The following PIP5KL1 variants were observed in gnomAD, a reference collection of about 807,000 sequenced individuals.
PIP5KL1 encodes phosphatidylinositol-4-phosphate 5-kinase like 1, also known as phosphatidylinositol 4-phosphate 5-kinase-like protein 1.
A neutral mutation model predicts 47.6 loss-of-function variants in PIP5KL1; 45 were observed. The ratio of observed to expected loss-of-function variants is 0.94; its 90% CI spans 0.74 to 1.21. The LOEUF (loss-of-function observed/expected upper bound fraction) is 1.21. PIP5KL1 is among the 50% of genes most tolerant of loss of function. The pLI is 0.00. For synonymous variants in PIP5KL1, 256 were observed against 234.6 expected (o/e 1.09, Z -0.84); for missense variants, 577 against 547.6 (o/e 1.05, Z -0.54).
At position 127,929,636 on chromosome 9, in the gene PIP5KL1, C is replaced by A; in HGVS notation, c.228+52G>T. On this transcript the variant is annotated intron_variant, in intron 2 of 9. Coordinates refer to ENST00000388747, the MANE Select transcript of PIP5KL1 (RefSeq NM_001135219.2). The surrounding 1 kb of genome is among the most constrained non-coding windows in gnomAD (Gnocchi z 4.0). ...AGTTTCAGCCAGACAGGGCATCAGC[C>A]AAGTCTTGCCATTGCTGGTGTGGAG... 1 of 1,469,234 alleles carries A rather than the reference C, an allele frequency of 6.8e-7. No homozygotes were observed. Among genetic ancestry groups the A allele is most frequent in the Non-Finnish European group, 9.1e-7 (1 of 1,093,800 alleles). 91.0% of individuals were successfully genotyped at this position (1,469,234 alleles called of 1,614,324 possible). A position where few individuals can be genotyped will look rare whatever the true frequency, so the allele number is the denominator to read the frequency against.
Position 127,921,616 on chromosome 9 carries a change from G to T in PIP5KL1, c.*231C>A. 1 of 598,542 alleles carries T rather than the reference G, an allele frequency of 1.7e-6. No homozygotes were observed. 37.1% of individuals were successfully genotyped at this position (598,542 alleles called of 1,614,324 possible). On this transcript the variant is annotated 3_prime_UTR_variant, in exon 10 of 10. Coordinates refer to ENST00000388747, the MANE Select transcript of PIP5KL1 (RefSeq NM_001135219.2). ...CTCCATTTCATGGTCTGTAAAAAGA[G>T]AATAATAGCATTTTTTGAGGATTAA...
Position 127,927,471 on chromosome 9 carries a change from G to T in PIP5KL1, c.560-140C>A, listed in dbSNP as rs1412654691. The T allele has an allele frequency of 1.4e-6, 2 of 1,449,232 alleles. No individual in the cohort carries two copies. Among genetic ancestry groups the T allele is most frequent in the Non-Finnish European group, 1.8e-6 (2 of 1,095,242 alleles). The allele number at this position is 1,449,232 out of a possible 1,614,324, so 89.8% of individuals were successfully genotyped here. A position where few individuals can be genotyped will look rare whatever the true frequency, so the allele number is the denominator to read the frequency against. On this transcript the variant is annotated intron_variant, in intron 5 of 9. Transcript: ENST00000388747. This position sits in a 1 kb window ranked among gnomAD's most constrained non-coding sequence, Gnocchi z 5.5. ...CCCTTCCTTGGCTGGTCCGGATCCC[G>T]ACCCGATCCCACCCCTAAACACAGC...
In PIP5KL1 at chr9:127,927,438, C is replaced by T; in HGVS notation, c.560-107G>A. On this transcript the variant is annotated intron_variant, in intron 5 of 9. Transcript: ENST00000388747. This position sits in a 1 kb window ranked among gnomAD's most constrained non-coding sequence, Gnocchi z 5.5. ...CACGCCTCCTTCTCAAGATCCGCGG[C>T]ACCTGGACCCTTCCTTGGCTGGTCC... The T allele has an allele frequency of 2.7e-6, 4 of 1,504,334 alleles. No homozygotes were observed. The highest frequency in any genetic ancestry group is 3.5e-6 in the Non-Finnish European group (4 of 1,128,254). 93.2% of individuals were successfully genotyped at this position (1,504,334 alleles called of 1,614,324 possible).
At position 127,928,446 on chromosome 9, in the gene PIP5KL1, G is replaced by C. The variant is rs1457607014; in HGVS notation, c.266C>G (p.Thr89Ser). 2 of 1,601,168 alleles carry C rather than the reference G, an allele frequency of 1.2e-6. No individual in the cohort carries two copies. The highest frequency in any genetic ancestry group is 1.7e-5 in the Admixed American group (1 of 58,588). Residue 89 changes from threonine to serine, a missense_variant, in exon 3 of 10, where the codon ACC becomes AGC. Thr to Ser is a moderately conservative substitution (Grantham distance 58). Transcript: ENST00000388747. ...PSRDDFSEVL[T>S]QVHEGFELGT... ...TGGGCCTCCTACCTCGTGAACCTGG[G>C]TTAGGACCTCCGAGAAATCGTCCCG...
chr9:127,925,221 T>C lies in PIP5KL1; in HGVS notation c.803A>G (p.Asp268Gly), dbSNP rs1337359355. 4.3e-6 allele frequency: 7 copies of C among 1,613,776 alleles called. No individual in the cohort carries two copies. The Admixed American group carries it at 1.2e-4, about 27-fold the overall frequency. ...RSWFLRQMELDTTFLRELNVL... is the reference protein window; with the variant it reads ...RSWFLRQMELGTTFLRELNVL... Reference sequence around the variant, plus strand: ...GTTGAGCTCCCGGAGGAAGGTGGTATCCAGTTCCATCTGGCGGAGGAACCA... The same window carrying C: ...GTTGAGCTCCCGGAGGAAGGTGGTACCCAGTTCCATCTGGCGGAGGAACCA... Residue 268 changes from aspartate to glycine, a missense_variant, in exon 9 of 10, where the codon GAT becomes GGT. Coordinates refer to ENST00000388747, the MANE Select transcript of PIP5KL1 (RefSeq NM_001135219.2).
rs775249636 is a variant in PIP5KL1, at chr9:127,921,882, G to A, written c.1150C>T (p.Arg384Cys). The A allele has an allele frequency of 1.8e-5, 29 of 1,573,772 alleles. No individual in the cohort carries two copies. Among genetic ancestry groups the A allele is most frequent in the Middle Eastern group, 2.0e-4 (1 of 4,998 alleles). ...STVSPARYARRLCQWVEAHTE is the reference protein window; with the variant it reads ...STVSPARYARCLCQWVEAHTE Reference sequence around the variant, plus strand: ...TGCGCCTCCACCCACTGGCAGAGGCGACGGGCGTAGCGAGCCGGGCTGACA... The same window carrying A: ...TGCGCCTCCACCCACTGGCAGAGGCAACGGGCGTAGCGAGCCGGGCTGACA... The change falls in exon 10 of 10, where the codon CGC becomes TGC. Residue 384 changes from arginine to cysteine, a missense_variant. Physicochemically the swap from Arg to Cys is radical, Grantham distance 180. Transcript: ENST00000388747.
In PIP5KL1 at chr9:127,927,612, A is replaced by T; in HGVS notation, c.559+36T>A. ...CTCCCCAGGTATATGATGACCTAGG[A>T]CCCGCCCCCACCGAGCCCCGCCCCC... On this transcript the variant is annotated intron_variant, in intron 5 of 9. Coordinates refer to ENST00000388747, the MANE Select transcript of PIP5KL1 (RefSeq NM_001135219.2). The surrounding 1 kb of genome is among the most constrained non-coding windows in gnomAD (Gnocchi z 5.5). 3 of 1,247,400 alleles carry T rather than the reference A, an allele frequency of 2.4e-6. No homozygotes were observed. Among genetic ancestry groups the T allele is most frequent in the Non-Finnish European group, 3.2e-6 (3 of 951,098 alleles). 77.3% of individuals were successfully genotyped at this position (1,247,400 alleles called of 1,614,324 possible).
At chr9:127,925,697 C>T in intron 8 of PIP5KL1, 170 bp downstream of exon 8, 1 of 625,812 alleles carries the variant, frequency 1.6e-6, no homozygotes, top group Non-Finnish European at 2.9e-6. Flanking sequence ...AACTCCTGAC[C>T]TCGTAATCCA....
Position 127,928,202 on chromosome 9 carries a change from C to A in PIP5KL1, c.297G>T (p.Thr99=). The change falls in exon 4 of 10, where the codon ACG becomes ACT. Residue 99 remains threonine, a synonymous_variant. Coordinates refer to ENST00000388747, the MANE Select transcript of PIP5KL1 (RefSeq NM_001135219.2). ...TQVHEGFELG[T]LAGPAFAWLR... is the part of the protein sequence containing the mutation. Reference sequence around the variant, plus strand: ...GCCAGGCAAAGGCGGGGCCGGCCAGCGTGCCCAGCTCGAAGCCCTGCAGGG... The same window carrying A: ...GCCAGGCAAAGGCGGGGCCGGCCAGAGTGCCCAGCTCGAAGCCCTGCAGGG... 1 of 1,537,468 alleles carries A rather than the reference C, an allele frequency of 6.5e-7. No homozygotes were observed. Among genetic ancestry groups the A allele is most frequent in the Non-Finnish European group, 8.8e-7 (1 of 1,142,206 alleles).
chr9:127,922,200 C>G, intron 9 of PIP5KL1, 86 bp from the exon 10 acceptor site: 2 of 1,407,824 alleles, frequency 1.4e-6, no homozygotes, highest in Non-Finnish European at 1.9e-6. Flanking sequence ...GGCTGCCCAC[C>G]CCTCCACCAG....
In PIP5KL1 at chr9:127,921,615, A is replaced by T. The variant is rs892261324; in HGVS notation, c.*232T>A. On this transcript the variant is annotated 3_prime_UTR_variant, in exon 10 of 10. Coordinates refer to ENST00000388747, the MANE Select transcript of PIP5KL1 (RefSeq NM_001135219.2). ...CCTCCATTTCATGGTCTGTAAAAAG[A>T]GAATAATAGCATTTTTTGAGGATTA... 3.4e-6 allele frequency: 2 copies of T among 588,606 alleles called. No individual in the cohort carries two copies. The highest frequency in any genetic ancestry group is 6.3e-5 in the Admixed American group (2 of 31,634). 36.5% of individuals were successfully genotyped at this position (588,606 alleles called of 1,614,324 possible).
rs373871124 is a variant in PIP5KL1, at chr9:127,925,264, C to T, written c.764-4G>A. 8 of 1,611,328 alleles carry T rather than the reference C, an allele frequency of 5.0e-6. No homozygotes were observed. The African/African-American group carries it at 9.3e-5, about 19-fold the overall frequency. ...AGGAACCAGCTCCGCTGGGGCCCTG[C>T]CGGAGCATCAGTGCCCCCACCTGAG... is the stretch of plus-strand genomic sequence containing the variant. On this transcript the variant is annotated splice_region_variant and splice_polypyrimidine_tract_variant and intron_variant, in intron 8 of 9. Coordinates refer to ENST00000388747, the MANE Select transcript of PIP5KL1 (RefSeq NM_001135219.2).
chr9:127,925,802 G>T, intron 8 of PIP5KL1, 65 bp downstream of exon 8: 1 of 1,359,660 alleles, frequency 7.4e-7, no homozygotes, highest in Non-Finnish European at 1.1e-6. Flanking sequence ...AGGGCAGCAG[G>T]GACACCCTTC....
At position 127,922,107 on chromosome 9, in the gene PIP5KL1, G is replaced by A; in HGVS notation, c.925C>T (p.Gln309Ter). ...SLIFRTARSV[Q>*]GAQSPEESRA... is the part of the protein sequence containing the mutation. ...GACTCTTCCGGGCTCTGTGCCCCTTGCACAGACCTGGGGGCCGACAGGAGG... is the reference window on the plus strand; with the variant it reads ...GACTCTTCCGGGCTCTGTGCCCCTTACACAGACCTGGGGGCCGACAGGAGG... The change falls in exon 10 of 10, where the codon CAA becomes TAA. Residue 309 changes from glutamine (Q) to a stop codon, truncating the protein, a stop_gained. Transcript: ENST00000388747. LOFTEE classifies it high-confidence loss of function. 6.6e-7 allele frequency: 1 copy of A among 1,521,682 alleles called. No individual in the cohort carries two copies. The highest frequency in any genetic ancestry group is 8.8e-7 in the Non-Finnish European group (1 of 1,133,300). The allele number at this position is 1,521,682 out of a possible 1,614,324, so 94.3% of individuals were successfully genotyped here. A position where few individuals can be genotyped will look rare whatever the true frequency, so the allele number is the denominator to read the frequency against.
Position 127,929,964 on chromosome 9 carries a change from T to A in PIP5KL1, c.31-79A>T. ...ATCAGGGTTCAAGTCCCACTTCCAC[T>A]ACTTGTGAGACTTCCCCTCATCTCT... On this transcript the variant is annotated intron_variant, in intron 1 of 9. Coordinates refer to ENST00000388747, the MANE Select transcript of PIP5KL1 (RefSeq NM_001135219.2). The surrounding 1 kb of genome is among the most constrained non-coding windows in gnomAD (Gnocchi z 4.0). 1 of 1,244,208 alleles carries A rather than the reference T, an allele frequency of 8.0e-7. No homozygotes were observed. Among genetic ancestry groups the A allele is most frequent in the Non-Finnish European group, 1.1e-6 (1 of 925,068 alleles). The allele number at this position is 1,244,208 out of a possible 1,614,324, so 77.1% of individuals were successfully genotyped here.
intron 1 of PIP5KL1, 69 bp downstream of exon 1, chr9:127,930,654 G>A: frequency 6.9e-7 from 1 of 1,449,058 alleles, no homozygotes; most frequent in Non-Finnish European, 9.1e-7. Flanking sequence ...CGCGCCGCTC[G>A]CCGAGGGGAG....
At position 127,927,039 on chromosome 9, in the gene PIP5KL1, G is replaced by A. The variant is rs1395477098; in HGVS notation, c.650+114C>T. The stretch of plus-strand genomic sequence containing the variant: ...CTGTCTCTGACCCACCAGATCTTGG[G>A]AACGCCCCTTCTCCTTCCTGGGCCT... On this transcript the variant is annotated intron_variant, in intron 7 of 9. Coordinates refer to ENST00000388747, the MANE Select transcript of PIP5KL1 (RefSeq NM_001135219.2). This position sits in a 1 kb window ranked among gnomAD's most constrained non-coding sequence, Gnocchi z 5.5. 18 of 1,251,504 alleles carry A rather than the reference G, an allele frequency of 1.4e-5. No homozygotes were observed. Among genetic ancestry groups the A allele is most frequent in the Admixed American group, 5.5e-5 (2 of 36,600 alleles). 77.5% of individuals were successfully genotyped at this position (1,251,504 alleles called of 1,614,324 possible).
chr9:127,927,737 C>A lies in PIP5KL1; in HGVS notation c.470G>T (p.Arg157Leu). 6.4e-7 allele frequency: 1 copy of A among 1,556,796 alleles called. No individual in the cohort carries two copies. The change falls in exon 5 of 10, where the codon CGC becomes CTC. Residue 157 changes from arginine (R) to leucine (L), a missense_variant. Arg to Leu is a moderately radical substitution (Grantham distance 102). Coordinates refer to ENST00000388747, the MANE Select transcript of PIP5KL1 (RefSeq NM_001135219.2). The surrounding 1 kb of genome is among the most constrained non-coding windows in gnomAD (Gnocchi z 5.5). ...DQRFFLKTQGRREVQALLAHL... is the reference protein window; with the variant it reads ...DQRFFLKTQGLREVQALLAHL... ...GGCGAGCAGAGCCTGCACCTCTCGG[C>A]GCCCCTGGGTCTTCAGGAAGAAGCG...
intron 8 of PIP5KL1, 97 bp downstream of exon 8, chr9:127,925,770 G>T: frequency 9.2e-7 from 1 of 1,082,324 alleles, no homozygotes; most frequent in South Asian, 1.3e-5. Flanking sequence ...GGCCGAATCT[G>T]GGCTCTTAAT....
Sources: gnomAD v4.1 joint callset for allele counts on GRCh38, gnomAD v4.1.1 for gene constraint, Gnocchi (gnomAD v3.1) non-coding constraint, MANE v1.5 for transcripts, NCBI Gene and HGNC (gene_info 2026-07-23, HGNC 2026-07-21) for gene names.